The following DDX10 variants were observed in gnomAD, a reference collection of about 807,000 sequenced individuals.
DDX10 encodes the protein DEAD-box helicase 10.
A neutral mutation model predicts 104.3 loss-of-function variants in DDX10; 74 were observed. The observed-to-expected ratio is 0.71, with a 90% CI of 0.59 to 0.86. The LOEUF is 0.86. DDX10 is among the 40% of genes least tolerant of loss of function. The pLI, the probability that DDX10 is intolerant of heterozygous loss-of-function variation, is 0.00. For missense variants in DDX10, 952 were observed against 1,040.0 expected, an observed-to-expected ratio of 0.92 and a Z score of 1.16; for synonymous variants, 351 against 353.4, an observed-to-expected ratio of 0.99 and a Z score of 0.08.
At chr11:108,849,507 C>G (rs1862763782) in intron 15 of DDX10, among the ~76,000 whole-genome samples, 1 of 151,946 alleles carries the variant, frequency 6.6e-6, no homozygotes, top group Non-Finnish European at 1.5e-5. Flanking sequence ...AGCTAAGGAC[C>G]TATAGTGTGT....
At chr11:108,755,938 TTC>T (rs914600567) in intron 13 of DDX10, among the ~76,000 whole-genome samples, 39 of 150,892 alleles carry the variant, frequency 2.6e-4, no homozygotes, top group East Asian at 3.9e-4. Context: ...GCCTTTTTCT[TTC>T]TCTCTCTCTC....
intron 6 of DDX10, among the ~76,000 whole-genome samples, chr11:108,684,185 T>TTTA: frequency 7.4e-6 from 1 of 134,790 alleles, no homozygotes; most frequent in African/African-American, 2.6e-5. Context: ...TCTTTTTTTT[T>TTTA]TTTTTAATTT....
chr11:108,899,749 C>T (rs970053826), intron 16 of DDX10, among the ~76,000 whole-genome samples: 6 of 152,098 alleles, frequency 3.9e-5, no homozygotes, highest in African/African-American at 9.7e-5. Context: ...GTCACAGGGG[C>T]AGATTCCTCA....
intron 13 of DDX10, among the ~76,000 whole-genome samples, chr11:108,786,354 T>C (rs1403765487): frequency 6.6e-6 from 1 of 152,172 alleles, no homozygotes; most frequent in Non-Finnish European, 1.5e-5. Flanking sequence ...ATTCTGTAGA[T>C]GTTTATTAGG....
intron 1 of DDX10, 113 bp downstream of exon 1, chr11:108,665,452 G>T (rs1208180769): frequency 3.9e-6 from 5 of 1,266,286 alleles, no homozygotes; most frequent in Non-Finnish European, 5.3e-6. Context: ...ACCCGGCCGG[G>T]AATGAGAGGT....
chr11:108,739,046 C>T (rs532987841), intron 13 of DDX10, among the ~76,000 whole-genome samples: 1 of 152,118 alleles, frequency 6.6e-6, no homozygotes, highest in South Asian at 2.1e-4. Context: ...TATCTTTATT[C>T]TGGTCAGGAA....
intron 13 of DDX10, among the ~76,000 whole-genome samples, chr11:108,831,823 C>A (rs990974902): frequency 6.6e-6 from 1 of 151,994 alleles, no homozygotes; most frequent in Admixed American, 6.6e-5. Flanking sequence ...TGATAAGAAC[C>A]ATTATTGGTT....
intron 15 of DDX10, among the ~76,000 whole-genome samples, chr11:108,844,581 T>G (rs1862688311): frequency 6.6e-6 from 1 of 152,192 alleles, no homozygotes; most frequent in South Asian, 2.1e-4. Context: ...GTGATGTTTG[T>G]TGGGAAGAAT....
At chr11:108,843,305 C>T (rs564611447) in intron 15 of DDX10, among the ~76,000 whole-genome samples, 4 of 150,988 alleles carry the variant, frequency 2.6e-5, no homozygotes, top group South Asian at 4.2e-4. Flanking sequence ...AACATATGTA[C>T]GTGGGTCCCT....
chr11:108,829,260 C>G (rs541134046), intron 13 of DDX10, among the ~76,000 whole-genome samples: 13 of 152,220 alleles, frequency 8.5e-5, no homozygotes, highest in African/African-American at 3.1e-4. Context: ...ATGCCAACAT[C>G]TATTATTTTT....
intron 13 of DDX10, among the ~76,000 whole-genome samples, chr11:108,782,770 G>A (rs1479770983): frequency 1.3e-5 from 2 of 152,226 alleles, no homozygotes; most frequent in East Asian, 3.9e-4. Context: ...GAGGAGGATT[G>A]GGAGCAAGAC....
At chr11:108,924,052 G>C (rs1010877417) in intron 17 of DDX10, among the ~76,000 whole-genome samples, 1 of 151,770 alleles carries the variant, frequency 6.6e-6, no homozygotes, top group Non-Finnish European at 1.5e-5. Context: ...ATCATGTTTG[G>C]TTTTTGGCCA....
chr11:108,889,984 GA>G (rs1863354195), intron 16 of DDX10, among the ~76,000 whole-genome samples: 1 of 152,100 alleles, frequency 6.6e-6, no homozygotes, highest in South Asian at 2.1e-4. Flanking sequence ...AATGTGTGTT[GA>G]ATATCCTTAT....
chr11:108,785,136 A>G (rs1443782165), intron 13 of DDX10, among the ~76,000 whole-genome samples: 1 of 151,998 alleles, frequency 6.6e-6, no homozygotes, highest in Non-Finnish European at 1.5e-5. Flanking sequence ...TCACAAATGG[A>G]TGTTGGATTT....
chr11:108,702,361 AAT>A (rs1342305144), intron 9 of DDX10, among the ~76,000 whole-genome samples: 5 of 152,200 alleles, frequency 3.3e-5, no homozygotes, highest in Non-Finnish European at 5.9e-5. Flanking sequence ...GATTGTTCTA[AAT>A]AAACTTTTTG....
At chr11:108,922,243 C>CA (rs3030537) in intron 17 of DDX10, 71 of 79,318 alleles carry the variant, frequency 9.0e-4, no homozygotes, top group African/African-American at 3.7e-3. Context: ...GACTCCATCT[C>CA]AAAAAAAAAA....
intron 13 of DDX10, among the ~76,000 whole-genome samples, chr11:108,744,632 T>C (rs542061741): frequency 6.6e-6 from 1 of 152,304 alleles, no homozygotes; most frequent in East Asian, 1.9e-4. Context: ...AGTATTCTTT[T>C]ACTCACTTAT....
At chr11:108,805,629 G>T (rs888532370) in intron 13 of DDX10, among the ~76,000 whole-genome samples, 2 of 151,936 alleles carry the variant, frequency 1.3e-5, no homozygotes, top group African/African-American at 4.8e-5. Flanking sequence ...GTGTTACATT[G>T]CTGAGTTGAT....
intron 13 of DDX10, among the ~76,000 whole-genome samples, chr11:108,726,048 C>T (rs1591802291): frequency 6.6e-6 from 1 of 151,996 alleles, no homozygotes; most frequent in Non-Finnish European, 1.5e-5. Context: ...TATGCTTTTT[C>T]CATTGAATTA....
Sources: gnomAD v4.1 joint callset for allele counts (sites outside exome capture counted in the v4.1 genomes callset) on GRCh38, gnomAD v4.1.1 for gene constraint, MANE v1.5 for transcripts, NCBI Gene and HGNC (gene_info 2026-07-23, HGNC 2026-07-21) for gene names.